Variants in PEAR1 observed in about 807,000 individuals in gnomAD.
The protein encoded by PEAR1 is multiple EGF-like domains protein 12.
Under a neutral mutation model 131.2 loss-of-function variants are expected in PEAR1, and 113 were observed. The ratio of observed to expected loss-of-function variants is 0.86; its 90% CI spans 0.74 to 1.01. PEAR1 has a LOEUF of 1.01. Among genes scored for constraint, PEAR1 ranks in the 50% least tolerant of loss-of-function variants. The pLI is 0.00. For missense variants in PEAR1, 1,408 were observed against 1,391.1 expected (o/e 1.01, Z -0.19); for synonymous variants, 565 against 523.3 (o/e 1.08, Z -1.09).
At chr1:156,903,697 G>A (rs1005430378) in intron 1 of PEAR1, among the ~76,000 whole-genome samples, 3 of 152,206 alleles carry the variant, frequency 2.0e-5, no homozygotes, top group African/African-American at 7.2e-5. Flanking sequence ...AGAATGAGAC[G>A]TGAGGGTGTC....
intron 18 of PEAR1, 90 bp downstream of exon 18, chr1:156,913,072 G>C (rs1651427952): frequency 5.1e-6 from 8 of 1,567,776 alleles, no homozygotes; most frequent in Non-Finnish European, 6.1e-6. Flanking sequence ...GGAAGATGAG[G>C]AGTGGGGAGG....
rs369828390 is a variant in PEAR1 at position 156,913,381 on chromosome 1, C to T, written c.2512-10C>T. On this transcript the variant is annotated splice_polypyrimidine_tract_variant and intron_variant, in intron 19 of 22. Coordinates refer to ENST00000292357, the MANE Select transcript of PEAR1 (RefSeq NM_001080471.3). Reference sequence around the variant, plus strand: ...CCTCTTGCTCTCCCTCCTGCACTGTCCCCTCTTAGGTTCCAGGCCCGCTCT... The same window carrying T: ...CCTCTTGCTCTCCCTCCTGCACTGTTCCCTCTTAGGTTCCAGGCCCGCTCT... The T allele has an allele frequency of 7.4e-6, 12 of 1,612,974 alleles. No homozygotes were observed. Among genetic ancestry groups the T allele is most frequent in the Non-Finnish European group, 9.3e-6 (11 of 1,179,566 alleles).
Position 156,912,895 on chromosome 1 carries a change from C to A in PEAR1, c.2335C>A (p.Arg779=), listed in dbSNP as rs774507033. 3 of 1,614,052 alleles carry A rather than the reference C, an allele frequency of 1.9e-6. No homozygotes were observed. Among genetic ancestry groups the A allele is most frequent in the Non-Finnish European group, 1.7e-6 (2 of 1,180,022 alleles). The change falls in exon 18 of 23, where the codon CGG becomes AGG. Residue 779 remains arginine (R), a synonymous_variant. Transcript: ENST00000292357. ...VALVALFIGY[R]HWQKGKEHHH... ...CCTGGTGGCACTGTTCATTGGCTAT[C>A]GGCACTGGCAAAAAGGCAAGGAGCA...
At chr1:156,910,823 T>G (rs1158004588) in intron 15 of PEAR1, 80 bp downstream of exon 15, 2 of 1,577,508 alleles carry the variant, frequency 1.3e-6, no homozygotes, top group Non-Finnish European at 1.7e-6. Context: ...GTCCCCCAGC[T>G]CCTGGGTATA....
At position 156,915,422 on chromosome 1, in the gene PEAR1, T is replaced by A. The variant is rs1224049223; in HGVS notation, c.*624T>A. On this transcript the variant is annotated 3_prime_UTR_variant, in exon 23 of 23. Coordinates refer to ENST00000292357, the MANE Select transcript of PEAR1 (RefSeq NM_001080471.3). The stretch of plus-strand genomic sequence containing the variant: ...GGCCCTGCTTTGCCTGGCCCATCTG[T>A]CTCTCCAGCCTCACCTTGAACTGTG... 1 of 152,282 alleles carries A rather than the reference T, an allele frequency of 6.6e-6. No homozygotes were observed. The highest frequency in any genetic ancestry group is 2.4e-5 in the African/African-American group (1 of 41,448). 9.4% of individuals were successfully genotyped at this position (152,282 alleles called of 1,614,324 possible).
In PEAR1 at chr1:156,912,595, G is replaced by A; in HGVS notation, c.2182G>A (p.Gly728Arg). 3 of 1,613,954 alleles carry A rather than the reference G, an allele frequency of 1.9e-6. No homozygotes were observed. Among genetic ancestry groups the A allele is most frequent in the South Asian group, 2.2e-5 (2 of 91,060 alleles). ...GACTGGGGCCTGTGTATGTCCCCCAGGGCACAGTGGTGCACCTTGCAGGAT... is the reference window on the plus strand; with the variant it reads ...GACTGGGGCCTGTGTATGTCCCCCAAGGCACAGTGGTGCACCTTGCAGGAT... ...PETGACVCPPGHSGAPCRIGI... is the reference protein window; with the variant it reads ...PETGACVCPPRHSGAPCRIGI... Residue 728 changes from glycine to arginine, a missense_variant, in exon 17 of 23, where the codon GGG becomes AGG. By Grantham distance (125) the Gly-to-Arg change is moderately radical. Transcript: ENST00000292357.
Position 156,906,752 on chromosome 1 carries a change from G to A in PEAR1, c.516G>A (p.Pro172=), listed in dbSNP as rs371907839. ...CTTGCCCTTCTGGTCTGCAGCCCCCGAACTGCCTTCAGCCCTGTACCCCTG... is the reference window on the plus strand; with the variant it reads ...CTTGCCCTTCTGGTCTGCAGCCCCCAAACTGCCTTCAGCCCTGTACCCCTG... ...VCSCPSGLQP[P]NCLQPCTPGY... The change falls in exon 6 of 23, where the codon CCG becomes CCA. Residue 172 remains proline (P), a synonymous_variant. Transcript: ENST00000292357. 1.2e-5 allele frequency: 20 copies of A among 1,614,102 alleles called. No individual in the cohort carries two copies. Among genetic ancestry groups the A allele is most frequent in the Non-Finnish European group, 1.3e-5 (15 of 1,180,048 alleles).
chr1:156,913,579 C>T, intron 20 of PEAR1, 56 bp downstream of exon 20: 1 of 1,604,364 alleles, frequency 6.2e-7, no homozygotes. Flanking sequence ...AGCCCAGATG[C>T]CGCGTCTGAG....
rs1650774723 is a variant in PEAR1, at chr1:156,909,349, T to G, written c.1411+313T>G. ...GGGAAGGGCCTCACATCTGCCAGAG[T>G]GACACATTGGCAACCTTTAGGCTGG... On this transcript the variant is annotated intron_variant, in intron 11 of 22. Transcript: ENST00000292357. Among the ~76,000 whole-genome samples, 2 of 152,044 alleles carry G rather than the reference T, an allele frequency of 1.3e-5. 1 individual carries two copies. Among genetic ancestry groups the G allele is most frequent in the South Asian group, 4.1e-4 (2 of 4,830 alleles).
In PEAR1 at chr1:156,908,763, T is replaced by G; in HGVS notation, c.1224T>G (p.Cys408Trp). The G allele has an allele frequency of 6.3e-7, 1 of 1,592,718 alleles. No individual in the cohort carries two copies. The highest frequency in any genetic ancestry group is 1.3e-5 in the African/African-American group (1 of 74,656). ...DTHGPGCQEH[C>W]LCLHGGVCQA... ...ATGGGCCAGGGTGCCAGGAGCACTG[T>G]CTCTGCCTGCACGGTGGCGTCTGCC... Residue 408 changes from cysteine to tryptophan, a missense_variant, in exon 10 of 23, where the codon TGT becomes TGG. By Grantham distance (215) the Cys-to-Trp change is radical. Transcript: ENST00000292357. This position sits in a 1 kb window ranked among gnomAD's most constrained non-coding sequence, Gnocchi z 4.2.
At chr1:156,913,807 GA>G in intron 21 of PEAR1, 44 bp from the exon 22 acceptor site, 1 of 1,611,664 alleles carries the variant, frequency 6.2e-7, no homozygotes, top group Non-Finnish European at 8.5e-7. Flanking sequence ...TGGGGCTGAG[GA>G]ACCAGTGCCT....
At position 156,913,269 on chromosome 1, in the gene PEAR1, C is replaced by A. The variant is rs1450111073; in HGVS notation, c.2498C>A (p.Pro833Gln). ...HTLSQCSPNP[P>Q]PPNKVPGPLF... is the part of the protein sequence containing the mutation. ...CTGTCGCAGTGCTCCCCAAACCCCC[C>A]ACCCCCTAACAAGGTCAGTGCCGGG... The change falls in exon 19 of 23, where the codon CCA becomes CAA. Residue 833 changes from proline to glutamine, a missense_variant. Physicochemically the swap from Pro to Gln is moderately conservative, Grantham distance 76. Transcript: ENST00000292357. 2 of 1,606,312 alleles carry A rather than the reference C, an allele frequency of 1.2e-6. No individual in the cohort carries two copies. Among genetic ancestry groups the A allele is most frequent in the South Asian group, 1.1e-5 (1 of 89,500 alleles).
At position 156,913,876 on chromosome 1, in the gene PEAR1, G is replaced by A. The variant is rs748675901; in HGVS notation, c.2738G>A (p.Gly913Glu). 5.0e-6 allele frequency: 8 copies of A among 1,613,724 alleles called. No individual in the cohort carries two copies. Among genetic ancestry groups the A allele is most frequent in the Non-Finnish European group, 6.8e-6 (8 of 1,179,860 alleles). ...GGGCTCATCTCTGAAGAGGAGCTCG[G>A]GGCCAGTGTGGCTTCCCTGAGCAGT... is the stretch of plus-strand genomic sequence containing the variant. ...NKGLISEEEL[G>E]ASVASLSSEN... The change falls in exon 22 of 23, where the codon GGG becomes GAG. Residue 913 changes from glycine (G) to glutamate (E), a missense_variant. Coordinates refer to ENST00000292357, the MANE Select transcript of PEAR1 (RefSeq NM_001080471.3).
chr1:156,913,336 T>C, intron 19 of PEAR1, 54 bp downstream of exon 19: 2 of 1,600,624 alleles, frequency 1.2e-6, no homozygotes, highest in Non-Finnish European at 1.7e-6. Context: ...GACCAGCTTC[T>C]CTGGAAAGCC....
At position 156,909,765 on chromosome 1, in the gene PEAR1, A is replaced by G. The variant is rs144560220; in HGVS notation, c.1426A>G (p.Asn476Asp). ...CCCTCCTCCAGGTTGGCAGCGTGGT[A>G]ACTGCTCTGTGCCCTGCCCACCCGG... ...CVCKEGWQRG[N>D]CSVPCPPGTW... Residue 476 changes from asparagine (N) to aspartate (D), a missense_variant, in exon 12 of 23, where the codon AAC becomes GAC. Coordinates refer to ENST00000292357, the MANE Select transcript of PEAR1 (RefSeq NM_001080471.3). 709 of 1,609,076 alleles carry G rather than the reference A, an allele frequency of 4.4e-4. 4 individuals carry two copies. The African/African-American group carries it at 8.0e-3, about 18-fold the overall frequency.
chr1:156,913,168 A>G (rs1428725971), intron 18 of PEAR1, 26 bp from the exon 19 acceptor site: 2 of 1,607,558 alleles, frequency 1.2e-6, no homozygotes, highest in Non-Finnish European at 1.7e-6. Flanking sequence ...CGCTGAGCTC[A>G]CCCTGTGCTT....
chr1:156,912,474 C>G lies in PEAR1; in HGVS notation c.2081-20C>G, dbSNP rs369880466. On this transcript the variant is annotated intron_variant, in intron 16 of 22. Coordinates refer to ENST00000292357, the MANE Select transcript of PEAR1 (RefSeq NM_001080471.3). Reference sequence around the variant, plus strand: ...CCTGGCGGCTCTGATGCCGGCCTGCCTCCTTGGCTGTCTCCCCAGGCTGCC... The same window carrying G: ...CCTGGCGGCTCTGATGCCGGCCTGCGTCCTTGGCTGTCTCCCCAGGCTGCC... 6.2e-7 allele frequency: 1 copy of G among 1,609,792 alleles called. No individual in the cohort carries two copies. The highest frequency in any genetic ancestry group is 1.3e-5 in the African/African-American group (1 of 74,768).
Position 156,914,701 on chromosome 1 carries a change from A to G in PEAR1, c.3017A>G (p.His1006Arg). Reference protein sequence around the residue: ...PPLPPGLPPGHYDSPKNSHIP... With the variant: ...PPLPPGLPPGRYDSPKNSHIP... ...CTGCCTCCGGGCCTACCCCCCGGCC[A>G]CTATGACTCACCCAAGAACAGCCAC... Residue 1006 changes from histidine (H) to arginine (R), a missense_variant, in exon 23 of 23, where the codon CAC (histidine) becomes CGC (arginine). Transcript: ENST00000292357. The G allele has an allele frequency of 6.2e-7, 1 of 1,613,948 alleles. No homozygotes were observed. Among genetic ancestry groups the G allele is most frequent in the South Asian group, 1.1e-5 (1 of 91,054 alleles).
rs1651837820 is a variant in PEAR1, at chr1:156,916,086, A to G, written c.*1288A>G. 1 of 152,354 alleles carries G rather than the reference A, an allele frequency of 6.6e-6. No homozygotes were observed. The highest frequency in any genetic ancestry group is 2.4e-5 in the African/African-American group (1 of 41,586). The allele number at this position is 152,354 out of a possible 1,614,324, so 9.4% of individuals were successfully genotyped here. On this transcript the variant is annotated 3_prime_UTR_variant, in exon 23 of 23. Coordinates refer to ENST00000292357, the MANE Select transcript of PEAR1 (RefSeq NM_001080471.3). ...GGATAACAGGAGAGAGTATACAGGC[A>G]TGCCTTGATTTATTGCACTTCACAG...
Sources: allele counts gnomAD v4.1 joint callset (sites outside exome capture counted in the v4.1 genomes callset), GRCh38; gene constraint gnomAD v4.1.1; non-coding constraint Gnocchi (gnomAD v3.1); transcripts MANE v1.5; gene names NCBI Gene and HGNC (gene_info 2026-07-23, HGNC 2026-07-21).